Variants in PKD1L1 observed in about 807,000 individuals in gnomAD.
PKD1L1 encodes the protein polycystin 1 like 1, transient receptor potential channel interacting, also known as polycystin-1-like protein 1.
PKD1L1 carries 236 observed loss-of-function variants against 323.4 expected under a neutral mutation model. The ratio of observed to expected loss-of-function variants is 0.73; its 90% CI spans 0.66 to 0.81. The LOEUF is 0.81. Among genes scored for constraint, PKD1L1 ranks in the 40% least tolerant of loss-of-function variants. The probability of loss-of-function intolerance (pLI) is 0.00; values close to 1 mark genes in which losing one functional copy is unlikely to be tolerated. For missense variants in PKD1L1, 3,320 were observed against 3,508.0 expected, an observed-to-expected ratio of 0.95 and a Z score of 1.35; for synonymous variants, 1,344 against 1,335.0, an observed-to-expected ratio of 1.01 and a Z score of -0.15.
chr7:47,781,418 TTTTTTTTTG>T, intron 56 of PKD1L1, among the ~76,000 whole-genome samples: 1 of 143,270 alleles, frequency 7.0e-6, no homozygotes, highest in Admixed American at 7.2e-5. Flanking sequence ...TGTTTTTTTT[TTTTTTTTTG>T]AGACAGAGTC....
chr7:47,782,776 T>C (rs1786725931), intron 56 of PKD1L1, among the ~76,000 whole-genome samples: 1 of 152,318 alleles, frequency 6.6e-6, no homozygotes, highest in South Asian at 2.1e-4. Context: ...CTAATTTTTC[T>C]TCTCCTTGGT....
chr7:47,782,105 T>C (rs776980917), intron 56 of PKD1L1, among the ~76,000 whole-genome samples: 1 of 152,182 alleles, frequency 6.6e-6, no homozygotes, highest in African/African-American at 2.4e-5. Context: ...AACCACCTTC[T>C]GTGCAAGGCA....
chr7:47,847,670 C>A (rs1247724166), intron 31 of PKD1L1, among the ~76,000 whole-genome samples: 2 of 152,028 alleles, frequency 1.3e-5, no homozygotes, highest in Non-Finnish European at 2.9e-5. Context: ...TAGACATTAG[C>A]CCTTTGTAAA....
At position 47,921,223 on chromosome 7, in the gene PKD1L1, T is replaced by A. The variant is rs376343271; in HGVS notation, c.1061-5624A>T. ...CCCATCAAAAAGTGGCCTAAGGACA[T>A]GAATAGACAATTCTCAAAAAAAAAA... On this transcript the variant is annotated intron_variant, in intron 7 of 56. Coordinates refer to ENST00000289672, the MANE Select transcript of PKD1L1 (RefSeq NM_138295.5). Among the ~76,000 whole-genome samples, 91 of 86,938 alleles carry A rather than the reference T, an allele frequency of 1.0e-3. 1 individual carries two copies. Among genetic ancestry groups the A allele is most frequent in the African/African-American group, 4.4e-3 (86 of 19,352 alleles). The allele number at this position is 86,938 out of a possible 152,430, so 57.0% of individuals were successfully genotyped here. A position where few individuals can be genotyped will look rare whatever the true frequency, so the allele number is the denominator to read the frequency against.
chr7:47,933,169 G>A (rs938754859), intron 4 of PKD1L1, among the ~76,000 whole-genome samples: 1 of 152,166 alleles, frequency 6.6e-6, no homozygotes, highest in African/African-American at 2.4e-5. Flanking sequence ...CACTCCACTT[G>A]AGCTAAACAA....
chr7:47,776,573 T>C (rs1255587653), intron 56 of PKD1L1, among the ~76,000 whole-genome samples: 1 of 152,200 alleles, frequency 6.6e-6, no homozygotes, highest in Non-Finnish European at 1.5e-5. Context: ...CTGAGGAATT[T>C]TTTTCTTCAT....
chr7:47,908,070 G>A lies in PKD1L1; in HGVS notation c.1402+7C>T, dbSNP rs114306336. The A allele has an allele frequency of 1.5e-3, 2,381 of 1,612,642 alleles. 32 individuals are homozygous for A. The African/African-American group carries it at 0.028, about 19-fold the overall frequency. On this transcript the variant is annotated splice_region_variant and intron_variant, in intron 9 of 56. Transcript: ENST00000289672. ...GTGCTTGCTCAGACTCCAGACATACGTCTTACTTTTCTGATTCACTTGGGA... is the reference window on the plus strand; with the variant it reads ...GTGCTTGCTCAGACTCCAGACATACATCTTACTTTTCTGATTCACTTGGGA...
chr7:47,791,917 C>T (rs144628836), intron 56 of PKD1L1, among the ~76,000 whole-genome samples: 122 of 152,272 alleles, frequency 8.0e-4, no homozygotes, highest in Non-Finnish European at 7.6e-4. Context: ...TCACTGTGTA[C>T]CTGGCACATG....
chr7:47,856,703 TTTTAA>T (rs1785912093), intron 28 of PKD1L1, among the ~76,000 whole-genome samples: 1 of 152,188 alleles, frequency 6.6e-6, no homozygotes, highest in African/African-American at 2.4e-5. Context: ...AAAAAAATCA[TTTTAA>T]TTTGTGTTTT....
At chr7:47,922,369 G>T (rs897147279) in intron 7 of PKD1L1, among the ~76,000 whole-genome samples, 6 of 152,134 alleles carry the variant, frequency 3.9e-5, no homozygotes, top group Non-Finnish European at 7.4e-5. Flanking sequence ...CTGCCTGGCC[G>T]CCCATCGTCT....
At chr7:47,900,779 C>T (rs1011503842) in intron 13 of PKD1L1, among the ~76,000 whole-genome samples, 2 of 151,858 alleles carry the variant, frequency 1.3e-5, no homozygotes, top group Non-Finnish European at 2.9e-5. Context: ...AACAGTTGTT[C>T]AATCAGAGGA....
intron 41 of PKD1L1, 68 bp downstream of exon 41, chr7:47,833,022 G>A: frequency 6.6e-7 from 1 of 1,523,314 alleles, no homozygotes. Flanking sequence ...TGCTTGCCCT[G>A]CCTCTCCCAA....
chr7:47,797,884 T>C (rs1372380136), intron 54 of PKD1L1, among the ~76,000 whole-genome samples: 1 of 152,212 alleles, frequency 6.6e-6, no homozygotes, highest in Non-Finnish European at 1.5e-5. Flanking sequence ...AAATTGCCTA[T>C]CATTGTGTAG....
At chr7:47,937,048 A>T (rs1787881689) in intron 3 of PKD1L1, 90 bp from the exon 4 acceptor site, 2 of 1,003,330 alleles carry the variant, frequency 2.0e-6, no homozygotes, top group Admixed American at 3.9e-5. Context: ...TTAACAAAAT[A>T]GCAGTGGACC....
intron 46 of PKD1L1, chr7:47,819,651 AAAAC>A: frequency 1.3e-5 from 15 of 1,156,336 alleles, no homozygotes; most frequent in Admixed American, 2.6e-5. Flanking sequence ...CAGAAAAAAA[AAAAC>A]AAAACAACTT....
At chr7:47,803,885 CAT>C (rs1177332788) in intron 52 of PKD1L1, among the ~76,000 whole-genome samples, 1 of 152,152 alleles carries the variant, frequency 6.6e-6, no homozygotes. Context: ...AACAGACAAA[CAT>C]AGTACAACTG....
At chr7:47,864,702 C>G (rs1262065640) in intron 26 of PKD1L1, among the ~76,000 whole-genome samples, 1 of 139,262 alleles carries the variant, frequency 7.2e-6, no homozygotes. Context: ...CCTCCCCTCC[C>G]TTCCCTTCCC....
intron 17 of PKD1L1, among the ~76,000 whole-genome samples, 176 bp from the exon 18 acceptor site, chr7:47,886,230 C>T (rs1204329971): frequency 6.6e-6 from 1 of 152,154 alleles, no homozygotes; most frequent in Non-Finnish European, 1.5e-5. Flanking sequence ...TCTGTGTTGG[C>T]ATGTTGGCCA....
At chr7:47,859,513 C>CT (rs765192995) in intron 26 of PKD1L1, among the ~76,000 whole-genome samples, 1 of 151,938 alleles carries the variant, frequency 6.6e-6, no homozygotes, top group Non-Finnish European at 1.5e-5. Flanking sequence ...GGGTCTCACT[C>CT]TGTCACCCAG....
Sources: allele counts gnomAD v4.1 joint callset (sites outside exome capture counted in the v4.1 genomes callset), GRCh38; gene constraint gnomAD v4.1.1; transcripts MANE v1.5; gene names NCBI Gene and HGNC (gene_info 2026-07-23, HGNC 2026-07-21).